The following PTPRB variants were observed in gnomAD, a reference collection of about 807,000 sequenced individuals.
The protein encoded by PTPRB is protein tyrosine phosphatase receptor type B.
In PTPRB, 97 loss-of-function variants were observed where a neutral mutation model predicts 238.1. The ratio of observed to expected loss-of-function variants is 0.41; its 90% confidence interval spans 0.35 to 0.48. The LOEUF is 0.48. Among genes scored for constraint, PTPRB ranks in the 20% least tolerant of loss-of-function variants. The pLI, the probability that PTPRB is intolerant of heterozygous loss-of-function variation, is 0.30. For synonymous variants in PTPRB, 970 were observed against 995.4 expected (o/e 0.97, Z 0.48); for missense variants, 2,292 against 2,681.9 (o/e 0.85, Z 3.21).
intron 26 of PTPRB, chr12:70,539,327 G>A (rs925102461): frequency 3.7e-6 from 2 of 536,408 alleles, no homozygotes; most frequent in Non-Finnish European, 6.6e-6. Flanking sequence ...CCAAGCAAAT[G>A]GCCAGGCTGA....
intron 23 of PTPRB, 182 bp from the exon 24 acceptor site, chr12:70,540,204 AC>A: frequency 1.9e-6 from 1 of 531,254 alleles, no homozygotes; most frequent in Non-Finnish European, 3.3e-6. Context: ...GATCATTCCC[AC>A]CCAGAAACGG....
chr12:70,592,611 T>G lies in PTPRB; in HGVS notation c.1517-66A>C, dbSNP rs539762605. Reference sequence around the variant, plus strand: ...CTCTCACAAGTCCTATGGCCAAATTTTGACCTGTAATTTTATTTCTGCAAG... The same window carrying G: ...CTCTCACAAGTCCTATGGCCAAATTGTGACCTGTAATTTTATTTCTGCAAG... On this transcript the variant is annotated intron_variant, in intron 6 of 33. Transcript: ENST00000334414. 3 of 1,515,326 alleles carry G rather than the reference T, an allele frequency of 2.0e-6. No individual in the cohort carries two copies. The South Asian group carries it at 4.0e-5, about 20-fold the overall frequency. The allele number at this position is 1,515,326 out of a possible 1,614,324, so 93.9% of individuals were successfully genotyped here. A position where few individuals can be genotyped will look rare whatever the true frequency, so the allele number is the denominator to read the frequency against.
At chr12:70,606,252 C>A (rs958071866) in intron 4 of PTPRB, among the ~76,000 whole-genome samples, 1 of 152,144 alleles carries the variant, frequency 6.6e-6, no homozygotes, top group African/African-American at 2.4e-5. Flanking sequence ...GGCATAGTTC[C>A]CAACAGTATT....
intron 31 of PTPRB, among the ~76,000 whole-genome samples, 196 bp downstream of exon 31, chr12:70,534,292 G>GGAAAA (rs1339260374): frequency 6.6e-6 from 1 of 152,116 alleles, no homozygotes; most frequent in Non-Finnish European, 1.5e-5. Flanking sequence ...GGAAGAAAGT[G>GGAAAA]GAAAAGAAGT....
chr12:70,564,203 A>G (rs1878908458), intron 15 of PTPRB, among the ~76,000 whole-genome samples: 1 of 152,150 alleles, frequency 6.6e-6, no homozygotes, highest in Admixed American at 6.5e-5. Flanking sequence ...GTCTTTGGGG[A>G]CTGTACTATC....
chr12:70,597,418 C>T (rs998174851), intron 4 of PTPRB, among the ~76,000 whole-genome samples: 2 of 152,166 alleles, frequency 1.3e-5, no homozygotes, highest in African/African-American at 4.8e-5. Flanking sequence ...GAATAAAAAG[C>T]ATATCAGGAT....
chr12:70,601,245 C>T (rs561176687), intron 4 of PTPRB, among the ~76,000 whole-genome samples: 13 of 152,170 alleles, frequency 8.5e-5, no homozygotes, highest in African/African-American at 3.1e-4. Context: ...TCACATGATC[C>T]TCCCACCTTA....
chr12:70,536,002 T>A lies in PTPRB; in HGVS notation c.6081+23A>T. 3 of 1,609,776 alleles carry A rather than the reference T, an allele frequency of 1.9e-6. No homozygotes were observed. The African/African-American group carries it at 4.0e-5, about 21-fold the overall frequency. On this transcript the variant is annotated intron_variant, in intron 29 of 33. Transcript: ENST00000334414. ...CAGGTGGCAGAAAGCAAAGCTTTGA[T>A]GCCAGGAAGGCTGTTTACTCACTCG...
Position 70,622,438 on chromosome 12 carries a change from T to C in PTPRB, c.660A>G (p.Thr220=), listed in dbSNP as rs771634831. 2 of 1,613,014 alleles carry C rather than the reference T, an allele frequency of 1.2e-6. No individual in the cohort carries two copies. The highest frequency in any genetic ancestry group is 1.1e-5 in the South Asian group (1 of 91,038). ...GCTGAGTAGTCGACAAAACCCATGA[T>C]GTGTCTGTAATTCCAGTCATGTGCA... ...PNLHMTGITD[T]SWVLSTTQPF... is the part of the protein sequence containing the mutation. The change falls in exon 3 of 34, where the codon ACA becomes ACG. Residue 220 remains threonine, a synonymous_variant. Coordinates refer to ENST00000334414, the MANE Select transcript of PTPRB (RefSeq NM_001109754.4).
chr12:70,619,893 T>C lies in PTPRB; in HGVS notation c.708+2497A>G, dbSNP rs543381122. The stretch of plus-strand genomic sequence containing the variant: ...TTACTTTCAAGGGACAGGCAATTTA[T>C]ATCCCAAGTGACTCATTTTTACTTT... On this transcript the variant is annotated intron_variant, in intron 3 of 33. Transcript: ENST00000334414. Among the ~76,000 whole-genome samples, 3 of 152,364 alleles carry C rather than the reference T, an allele frequency of 2.0e-5. No individual in the cohort carries two copies. In the South Asian group the frequency reaches 6.2e-4, roughly 32 times the overall value.
At chr12:70,538,309 C>CCTG in intron 27 of PTPRB, 78 bp from the exon 28 acceptor site, 1 of 1,210,890 alleles carries the variant, frequency 8.3e-7, no homozygotes, top group Middle Eastern at 1.9e-4. Flanking sequence ...TGCCTTAGCT[C>CCTG]TGATCCCCAC....
At chr12:70,584,767 C>T (rs1242219822) in intron 9 of PTPRB, among the ~76,000 whole-genome samples, 2 of 151,722 alleles carry the variant, frequency 1.3e-5, no homozygotes, top group Non-Finnish European at 2.9e-5. Flanking sequence ...ATAACGTTCT[C>T]CAGGATAAAG....
intron 2 of PTPRB, among the ~76,000 whole-genome samples, chr12:70,626,569 G>A (rs1409375772): frequency 6.6e-6 from 1 of 151,788 alleles, no homozygotes; most frequent in Non-Finnish European, 1.5e-5. Flanking sequence ...TATTCGCTAA[G>A]CAATACAACA....
intron 10 of PTPRB, among the ~76,000 whole-genome samples, chr12:70,580,727 G>C (rs1881287046): frequency 6.6e-6 from 1 of 151,874 alleles, no homozygotes. Flanking sequence ...ACTGAGGCAG[G>C]AGAATTGCTG....
intron 10 of PTPRB, among the ~76,000 whole-genome samples, chr12:70,579,734 T>C (rs960786077): frequency 1.4e-5 from 2 of 147,680 alleles, no homozygotes; most frequent in Non-Finnish European, 3.0e-5. Context: ...CAAGTGACAA[T>C]GTCAGCTGTC....
intron 32 of PTPRB, among the ~76,000 whole-genome samples, chr12:70,530,525 T>C (rs907529967): frequency 1.3e-5 from 2 of 151,678 alleles, no homozygotes; most frequent in Non-Finnish European, 3.0e-5. Context: ...CGTGTACACA[T>C]ACATATGTGT....
chr12:70,621,775 G>A (rs954842668), intron 3 of PTPRB, among the ~76,000 whole-genome samples: 6 of 152,132 alleles, frequency 3.9e-5, no homozygotes, highest in African/African-American at 9.7e-5. Context: ...CCTAAATGGT[G>A]GACTAAAACT....
In PTPRB at chr12:70,571,160, A is replaced by C; in HGVS notation, c.3236T>G (p.Phe1079Cys). Residue 1079 changes from phenylalanine (F) to cysteine (C), a missense_variant, in exon 13 of 34, where the codon TTT becomes TGT. Physicochemically the swap from Phe to Cys is radical, Grantham distance 205 (BLOSUM62 -2). This residue lies in a region of PTPRB where 1,205 missense variants were observed against 1,287.8 expected (regional missense o/e 0.94). Transcript: ENST00000334414. ...IQLLFNDMKV[F>C]PPFHLVNTAT... The stretch of plus-strand genomic sequence containing the variant: ...GGTATTTACAAGGTGAAAAGGAGGA[A>C]ATACTTTCATGTCATTGAAGAGCAG... 1 of 1,613,996 alleles carries C rather than the reference A, an allele frequency of 6.2e-7. No homozygotes were observed.
Position 70,570,952 on chromosome 12 carries a change from G to A in PTPRB, c.3370+74C>T, listed in dbSNP as rs116637190. The A allele has an allele frequency of 7.6e-4, 1,146 of 1,517,266 alleles. 7 individuals carry two copies. In the African/African-American group the frequency reaches 0.014, roughly 19 times the overall value. The allele number at this position is 1,517,266 out of a possible 1,614,324, so 94.0% of individuals were successfully genotyped here. On this transcript the variant is annotated intron_variant, in intron 13 of 33. Coordinates refer to ENST00000334414, the MANE Select transcript of PTPRB (RefSeq NM_001109754.4). The stretch of plus-strand genomic sequence containing the variant: ...CTTTTATCCCTCCAAATGCTCAATC[G>A]AAATACCTGAACTACCCGAAAGTTA...
Sources: allele counts gnomAD v4.1 joint callset (sites outside exome capture counted in the v4.1 genomes callset), GRCh38; gene constraint gnomAD v4.1.1; regional missense constraint gnomAD v4.1.1; transcripts MANE v1.5; gene names NCBI Gene and HGNC (gene_info 2026-07-23, HGNC 2026-07-21).